FBXW10B: variants seen among roughly 807,000 people sequenced by gnomAD.
FBXW10B encodes the protein F-box and WD repeat domain containing 10B, also known as F-box and WD repeat domain containing protein 10B.
At chr17:15,578,533 C>T in the FBXW10B span, among the ~76,000 whole-genome samples, 4 of 152,104 alleles carry the variant, frequency 2.6e-5, no homozygotes, top group African/African-American at 9.7e-5. Flanking sequence ...GGAGGCAGAT[C>T]AGAGAATTCA....
chr17:15,600,483 G>T, the FBXW10B span, among the ~76,000 whole-genome samples: 1 of 148,424 alleles, frequency 6.7e-6, no homozygotes, highest in African/African-American at 2.5e-5. Context: ...CTTCAGGTTG[G>T]TTTTTTAAAT....
At chr17:15,590,570 A>G in the FBXW10B span, among the ~76,000 whole-genome samples, 536 of 148,718 alleles carry the variant, frequency 3.6e-3, no homozygotes, top group Admixed American at 9.4e-3. Context: ...GCACACCTGC[A>G]CACCACCAGC....
At chr17:15,608,918 C>T in the FBXW10B span, among the ~76,000 whole-genome samples, 2 of 152,262 alleles carry the variant, frequency 1.3e-5, no homozygotes, top group South Asian at 4.1e-4. Context: ...GACAGGGGCG[C>T]TTTCATTTGC....
At chr17:15,594,243 C>T in the FBXW10B span, among the ~76,000 whole-genome samples, 118 of 151,942 alleles carry the variant, frequency 7.8e-4, 2 homozygotes, top group East Asian at 0.021. Flanking sequence ...GAGGCTGAGG[C>T]GGGCAGATCA....
At chr17:15,619,580 G>C in the FBXW10B span, 1 of 1,542,748 alleles carries the variant, frequency 6.5e-7, no homozygotes, top group Non-Finnish European at 8.7e-7. Flanking sequence ...AACACTAGAG[G>C]AACGGGGGGA....
the FBXW10B span, chr17:15,605,135 A>C: frequency 5.8e-6 from 9 of 1,544,664 alleles, no homozygotes; most frequent in Non-Finnish European, 7.8e-6. Flanking sequence ...ACTGTTAACT[A>C]TAAAAAGAAG....
the FBXW10B span, among the ~76,000 whole-genome samples, chr17:15,591,753 C>T: frequency 6.6e-6 from 1 of 152,112 alleles, no homozygotes; most frequent in African/African-American, 2.4e-5. Flanking sequence ...ATTACTATTG[C>T]TGCTGGCAAT....
At chr17:15,594,532 A>T in the FBXW10B span, 1 of 670,394 alleles carries the variant, frequency 1.5e-6, no homozygotes, top group Non-Finnish European at 2.4e-6. Context: ...TTACTTCACA[A>T]GAAAAACAAG....
At chr17:15,585,255 T>G in the FBXW10B span, among the ~76,000 whole-genome samples, 1 of 152,144 alleles carries the variant, frequency 6.6e-6, no homozygotes. Context: ...GTGTGCCATG[T>G]TGGGAAAATA....
chr17:15,615,942 GT>G, the FBXW10B span: 1 of 1,386,228 alleles, frequency 7.2e-7, no homozygotes. Flanking sequence ...AGTTATGTCT[GT>G]TTTTATTTGG....
chr17:15,572,678 A>T, the FBXW10B span: 2 of 151,594 alleles, frequency 1.3e-5, no homozygotes, highest in East Asian at 3.9e-4. Context: ...AGGCACTGGG[A>T]GGGAGTGGAT....
At chr17:15,566,020 A>G in the FBXW10B span, 9 of 1,610,670 alleles carry the variant, frequency 5.6e-6, no homozygotes, top group Non-Finnish European at 7.6e-6. Context: ...GTTGGGCTGC[A>G]GTTTCTGGAT....
chr17:15,616,531 G>A, the FBXW10B span, among the ~76,000 whole-genome samples: 1 of 152,038 alleles, frequency 6.6e-6, no homozygotes, highest in Non-Finnish European at 1.5e-5. Flanking sequence ...TTGGTCCGGC[G>A]TGATGGCTCA....
the FBXW10B span, among the ~76,000 whole-genome samples, chr17:15,608,162 A>ATTTTTTTT: frequency 7.6e-6 from 1 of 131,822 alleles, no homozygotes. Flanking sequence ...ATGCATTTGC[A>ATTTTTTTT]TTTTTTTTTT....
At chr17:15,612,246 G>T in the FBXW10B span, among the ~76,000 whole-genome samples, 1 of 152,128 alleles carries the variant, frequency 6.6e-6, no homozygotes, top group African/African-American at 2.4e-5. Flanking sequence ...GGTGGCTCAC[G>T]CCTGTAATCC....
chr17:15,600,520 T>G, the FBXW10B span, among the ~76,000 whole-genome samples: 1 of 149,170 alleles, frequency 6.7e-6, no homozygotes, highest in Non-Finnish European at 1.5e-5. Context: ...ATTTGATAAA[T>G]ACTTTTAGAA....
chr17:15,569,609 G>C, the FBXW10B span, among the ~76,000 whole-genome samples: 1 of 151,458 alleles, frequency 6.6e-6, no homozygotes, highest in South Asian at 2.1e-4. Flanking sequence ...ACAGGTGCCA[G>C]TCGCTGGGCC....
At chr17:15,584,768 T>C in the FBXW10B span, among the ~76,000 whole-genome samples, 84 of 152,338 alleles carry the variant, frequency 5.5e-4, no homozygotes, top group Non-Finnish European at 9.8e-4. Flanking sequence ...CTTGTGCACA[T>C]TGATTTAAAC....
the FBXW10B span, chr17:15,594,854 A>G: frequency 3.1e-6 from 5 of 1,614,016 alleles, no homozygotes; most frequent in African/African-American, 6.7e-5. Context: ...TGGTCAAAGA[A>G]CAGGCATTTC....
Sources: allele counts gnomAD v4.1 joint callset (sites outside exome capture counted in the v4.1 genomes callset), GRCh38; gene constraint gnomAD v4.1.1; transcripts MANE v1.5; gene names NCBI Gene and HGNC (gene_info 2026-07-23, HGNC 2026-07-21).